C2CD4A: variants seen among roughly 807,000 people sequenced by gnomAD.
The protein encoded by C2CD4A is C2 calcium dependent domain containing 4A.
Under a neutral mutation model 0.4 loss-of-function variants are expected in C2CD4A, and 2 were observed. That is an observed-to-expected ratio of 4.45 (90% confidence interval 1.82 to 13.99). C2CD4A has a LOEUF of 13.99. C2CD4A is among the 30% of genes most tolerant of loss of function. C2CD4A has a pLI of 0.04. For synonymous variants in C2CD4A, 297 were observed against 280.8 expected (o/e 1.06, Z -0.58); for missense variants, 610 against 574.2 (o/e 1.06, Z -0.64).
Position 62,070,487 on chromosome 15 carries a change from A to T in C2CD4A, c.*1764A>T. 2.4e-6 allele frequency: 1 copy of T among 413,512 alleles called. No individual in the cohort carries two copies. The highest frequency in any genetic ancestry group is 2.1e-5 in the African/African-American group (1 of 48,758). 25.6% of individuals were successfully genotyped at this position (413,512 alleles called of 1,614,324 possible). ...CCGACCAGTTTCTGCTTTTATTAAAATTGTTCACAGTTTTATACATTCATG... is the reference window on the plus strand; with the variant it reads ...CCGACCAGTTTCTGCTTTTATTAAATTTGTTCACAGTTTTATACATTCATG... On this transcript the variant is annotated 3_prime_UTR_variant, in exon 2 of 2. Transcript: ENST00000355522.
Position 62,068,648 on chromosome 15 carries a change from C to T in C2CD4A, c.1035C>T (p.Asp345=), listed in dbSNP as rs2049063761. Reference sequence around the variant, plus strand: ...TGGCCGTTCGAGTCAAGGCCCGGGACGAGGGCCGCGGCCGGGAGCGGGGCC... The same window carrying T: ...TGGCCGTTCGAGTCAAGGCCCGGGATGAGGGCCGCGGCCGGGAGCGGGGCC... The part of the protein sequence containing the change: ...RRLAVRVKAR[D]EGRGRERGRL... Residue 345 remains aspartate (D), a synonymous_variant, in exon 2 of 2, where the codon GAC becomes GAT. Coordinates refer to ENST00000355522, the MANE Select transcript of C2CD4A (RefSeq NM_207322.3). 1.3e-6 allele frequency: 2 copies of T among 1,550,846 alleles called. No homozygotes were observed. The highest frequency in any genetic ancestry group is 2.0e-5 in the Admixed American group (1 of 51,190).
chr15:62,067,675 TTC>T lies in C2CD4A; in HGVS notation c.65_66del (p.Leu22ProfsTer26), dbSNP rs1567164508. 2 of 1,607,404 alleles carry T rather than the reference TTC, an allele frequency of 1.2e-6. No individual in the cohort carries two copies. Among genetic ancestry groups the T allele is most frequent in the Admixed American group, 1.7e-5 (1 of 59,964 alleles). On this transcript the variant is annotated frameshift_variant, in exon 2 of 2. Transcript: ENST00000355522. The stretch of plus-strand genomic sequence containing the variant: ...TGCCTTCGGCGGAGCGGAGACTGGC[TTC>T]TCCCGGGTCGGGCCCGCGGAGCCAA...
chr15:62,068,480 C>G lies in C2CD4A; in HGVS notation c.867C>G (p.Ala289=), dbSNP rs1298214324. The change falls in exon 2 of 2, where the codon GCC becomes GCG. Residue 289 remains alanine, a synonymous_variant. Transcript: ENST00000355522. ...CCGGAGGCGCCCCCGGGCCCCGAGC[C>G]GTCAGCTGTCGCCTCAGCCTCGTCC... ...SPAGGAPGPR[A]VSCRLSLVLR... is the part of the protein sequence containing the mutation. 3.4e-6 allele frequency: 5 copies of G among 1,472,650 alleles called. No homozygotes were observed. The highest frequency in any genetic ancestry group is 4.5e-6 in the Non-Finnish European group (5 of 1,116,964). The allele number at this position is 1,472,650 out of a possible 1,614,324, so 91.2% of individuals were successfully genotyped here.
Position 62,067,912 on chromosome 15 carries a change from G to C in C2CD4A, c.299G>C (p.Arg100Pro). The change falls in exon 2 of 2, where the codon CGC (arginine) becomes CCC (proline). Residue 100 changes from arginine (R) to proline (P), a missense_variant. Arg to Pro is a moderately radical substitution (Grantham distance 103). Transcript: ENST00000355522. The stretch of plus-strand genomic sequence containing the variant: ...TCACTGCCGCACCTGCCCCGTGTGC[G>C]CACCGCCTACGGCTTCTGCGCGCTG... Reference protein sequence around the residue: ...ALSLPHLPRVRTAYGFCALLE... With the variant: ...ALSLPHLPRVPTAYGFCALLE... 6.3e-7 allele frequency: 1 copy of C among 1,593,276 alleles called. No individual in the cohort carries two copies. The highest frequency in any genetic ancestry group is 1.1e-5 in the South Asian group (1 of 89,738).
rs1442441959 is a variant in C2CD4A at position 62,070,184 on chromosome 15, A to T, written c.*1461A>T. On this transcript the variant is annotated 3_prime_UTR_variant, in exon 2 of 2. Transcript: ENST00000355522. ...GGGCATTTTTTTCTTTTTTTTATGC[A>T]AATAGGAAAATGCATCCTAAATGAG... 2.4e-6 allele frequency: 1 copy of T among 411,340 alleles called. No homozygotes were observed. Among genetic ancestry groups the T allele is most frequent in the African/African-American group, 2.1e-5 (1 of 48,624 alleles). 25.5% of individuals were successfully genotyped at this position (411,340 alleles called of 1,614,324 possible). A position where few individuals can be genotyped will look rare whatever the true frequency, so the allele number is the denominator to read the frequency against.
chr15:62,070,674 G>A lies in C2CD4A; in HGVS notation c.*1951G>A, dbSNP rs924346481. Reference sequence around the variant, plus strand: ...ATGTGAAGAATACTGTGAATTCTATGACTTTATCAAAATCAGCCACATCCA... The same window carrying A: ...ATGTGAAGAATACTGTGAATTCTATAACTTTATCAAAATCAGCCACATCCA... On this transcript the variant is annotated 3_prime_UTR_variant, in exon 2 of 2. Coordinates refer to ENST00000355522, the MANE Select transcript of C2CD4A (RefSeq NM_207322.3). 4.9e-6 allele frequency: 2 copies of A among 407,764 alleles called. No individual in the cohort carries two copies. Among genetic ancestry groups the A allele is most frequent in the Admixed American group, 8.9e-5 (2 of 22,516 alleles). 25.3% of individuals were successfully genotyped at this position (407,764 alleles called of 1,614,324 possible).
In C2CD4A at chr15:62,067,839, G is replaced by T. The variant is rs773902749; in HGVS notation, c.226G>T (p.Glu76Ter). The change falls in exon 2 of 2, where the codon GAG (glutamate) becomes TAG (stop). Residue 76 changes from glutamate to a stop codon, truncating the protein, a stop_gained. Transcript: ENST00000355522. LOFTEE classifies it low-confidence loss of function (END_TRUNC). ...NSWVEEAGMD[E>*]GAGRTDWDPR... Reference sequence around the variant, plus strand: ...TTGGGTCGAAGAAGCAGGGATGGACGAGGGCGCCGGCCGCACAGACTGGGA... The same window carrying T: ...TTGGGTCGAAGAAGCAGGGATGGACTAGGGCGCCGGCCGCACAGACTGGGA... 7.5e-6 allele frequency: 12 copies of T among 1,610,108 alleles called. No individual in the cohort carries two copies. In the Admixed American group the frequency reaches 1.3e-4, roughly 18 times the overall value.
Position 62,068,780 on chromosome 15 carries a change from G to A in C2CD4A, c.*57G>A. 8 of 1,423,678 alleles carry A rather than the reference G, an allele frequency of 5.6e-6. No individual in the cohort carries two copies. The highest frequency in any genetic ancestry group is 7.4e-6 in the Non-Finnish European group (8 of 1,085,290). 88.2% of individuals were successfully genotyped at this position (1,423,678 alleles called of 1,614,324 possible). A position where few individuals can be genotyped will look rare whatever the true frequency, so the allele number is the denominator to read the frequency against. On this transcript the variant is annotated 3_prime_UTR_variant, in exon 2 of 2. Transcript: ENST00000355522. Reference sequence around the variant, plus strand: ...GGGGACTCCGGACACTGACAGCCGCGTGGTACAAAATAAACGTGTATTTGT... The same window carrying A: ...GGGGACTCCGGACACTGACAGCCGCATGGTACAAAATAAACGTGTATTTGT...
At position 62,068,850 on chromosome 15, in the gene C2CD4A, TCTAGATTAA is replaced by T; in HGVS notation, c.*131_*139del. ...TCAGTACAACACTGGCAGAGATGAT[TCTAGATTAA>T]CTATCCCAGTAAAAGATATGATATT... On this transcript the variant is annotated 3_prime_UTR_variant, in exon 2 of 2. Coordinates refer to ENST00000355522, the MANE Select transcript of C2CD4A (RefSeq NM_207322.3). 8.0e-7 allele frequency: 1 copy of T among 1,256,390 alleles called. No individual in the cohort carries two copies. The highest frequency in any genetic ancestry group is 2.0e-5 in the South Asian group (1 of 49,272). 77.8% of individuals were successfully genotyped at this position (1,256,390 alleles called of 1,614,324 possible).
chr15:62,068,887 C>G lies in C2CD4A; in HGVS notation c.*164C>G. The G allele has an allele frequency of 9.5e-7, 1 of 1,050,230 alleles. No individual in the cohort carries two copies. The highest frequency in any genetic ancestry group is 2.7e-5 in the South Asian group (1 of 37,616). The allele number at this position is 1,050,230 out of a possible 1,614,324, so 65.1% of individuals were successfully genotyped here. A position where few individuals can be genotyped will look rare whatever the true frequency, so the allele number is the denominator to read the frequency against. ...ATCCCAGTAAAAGATATGATATTTT[C>G]CATAGATACCTCCAGAATTTTTTTC... On this transcript the variant is annotated 3_prime_UTR_variant, in exon 2 of 2. Coordinates refer to ENST00000355522, the MANE Select transcript of C2CD4A (RefSeq NM_207322.3).
chr15:62,070,429 A>C lies in C2CD4A; in HGVS notation c.*1706A>C, dbSNP rs896412529. 2.4e-6 allele frequency: 1 copy of C among 413,352 alleles called. No homozygotes were observed. Among genetic ancestry groups the C allele is most frequent in the Non-Finnish European group, 4.4e-6 (1 of 226,168 alleles). The allele number at this position is 413,352 out of a possible 1,614,324, so 25.6% of individuals were successfully genotyped here. A position where few individuals can be genotyped will look rare whatever the true frequency, so the allele number is the denominator to read the frequency against. The stretch of plus-strand genomic sequence containing the variant: ...GCTGTCATCCCGCTTTGGCTTCTCA[A>C]AGTGCTAGGATTATAGGCGTGAGCC... On this transcript the variant is annotated 3_prime_UTR_variant, in exon 2 of 2. Transcript: ENST00000355522.
chr15:62,068,329 C>A lies in C2CD4A; in HGVS notation c.716C>A (p.Pro239His), dbSNP rs761563339. 1 of 1,415,926 alleles carries A rather than the reference C, an allele frequency of 7.1e-7. No individual in the cohort carries two copies. The highest frequency in any genetic ancestry group is 1.4e-5 in the South Asian group (1 of 69,552). 87.7% of individuals were successfully genotyped at this position (1,415,926 alleles called of 1,614,324 possible). A position where few individuals can be genotyped will look rare whatever the true frequency, so the allele number is the denominator to read the frequency against. ...TSPPSSRVPFPERLEAEGTVA... is the reference protein window; with the variant it reads ...TSPPSSRVPFHERLEAEGTVA... ...CCGCCGTCGTCCCGGGTCCCGTTTC[C>A]CGAGCGCCTGGAGGCCGAGGGCACC... The change falls in exon 2 of 2, where the codon CCC becomes CAC. Residue 239 changes from proline (P) to histidine (H), a missense_variant. Pro to His is a moderately conservative substitution (Grantham distance 77). Transcript: ENST00000355522.
Position 62,068,607 on chromosome 15 carries a change from G to A in C2CD4A, c.994G>A (p.Asp332Asn), listed in dbSNP as rs1331722552. ...CTTCTGCTTCGACGGCCTCTCGGAG[G>A]ACGAAGTGCGCCGCCTGGCCGTTCG... ...QDFCFDGLSE[D>N]EVRRLAVRVK... Residue 332 changes from aspartate (D) to asparagine (N), a missense_variant, in exon 2 of 2, where the codon GAC becomes AAC. Transcript: ENST00000355522. The A allele has an allele frequency of 6.4e-7, 1 of 1,564,368 alleles. No homozygotes were observed. The highest frequency in any genetic ancestry group is 8.7e-7 in the Non-Finnish European group (1 of 1,154,700).
At position 62,070,518 on chromosome 15, in the gene C2CD4A, T is replaced by TA. The variant is rs1256693118; in HGVS notation, c.*1800dup. 4.8e-6 allele frequency: 2 copies of TA among 413,414 alleles called. No homozygotes were observed. The highest frequency in any genetic ancestry group is 8.8e-6 in the Non-Finnish European group (2 of 226,162). The allele number at this position is 413,414 out of a possible 1,614,324, so 25.6% of individuals were successfully genotyped here. On this transcript the variant is annotated 3_prime_UTR_variant, in exon 2 of 2. Transcript: ENST00000355522. ...CACAGTTTTATACATTCATGTTCAT[T>TA]AAAAATGCTATTTAGAAAAGAGTTT... is the stretch of plus-strand genomic sequence containing the variant.
chr15:62,068,623 T>A lies in C2CD4A; in HGVS notation c.1010T>A (p.Leu337Gln). Residue 337 changes from leucine to glutamine, a missense_variant, in exon 2 of 2, where the codon CTG becomes CAG. Transcript: ENST00000355522. ...CTCTCGGAGGACGAAGTGCGCCGCC[T>A]GGCCGTTCGAGTCAAGGCCCGGGAC... is the stretch of plus-strand genomic sequence containing the variant. ...DGLSEDEVRR[L>Q]AVRVKARDEG... The A allele has an allele frequency of 6.4e-7, 1 of 1,558,850 alleles. No homozygotes were observed. The highest frequency in any genetic ancestry group is 8.7e-7 in the Non-Finnish European group (1 of 1,151,604).
chr15:62,067,111 G>C (rs1171325414), intron 1 of C2CD4A, 23 bp downstream of exon 1: 1 of 153,366 alleles, frequency 6.5e-6, no homozygotes, highest in East Asian at 1.9e-4. Flanking sequence ...GGACCCATCG[G>C]CTTGCTTAAT....
At position 62,067,619 on chromosome 15, in the gene C2CD4A, G is replaced by A. The variant is rs2140846077; in HGVS notation, c.6G>A (p.Trp2Ter). 6.3e-7 allele frequency: 1 copy of A among 1,589,380 alleles called. No homozygotes were observed. The highest frequency in any genetic ancestry group is 1.7e-5 in the Admixed American group (1 of 59,412). ...CTCCAGCAGAGAGTGGCCAGATGTG[G>A]TGCCTGGAGCGACTCCGCTTGGGTC... M[W>*]CLERLRLGPE... Residue 2 changes from tryptophan (W) to a stop codon, truncating the protein, a stop_gained, in exon 2 of 2, where the codon TGG becomes TGA. Transcript: ENST00000355522. LOFTEE classifies it low-confidence loss of function (END_TRUNC).
rs772735776 is a variant in C2CD4A at position 62,067,684 on chromosome 15, G to A, written c.71G>A (p.Gly24Asp). The A allele has an allele frequency of 1.2e-6, 2 of 1,607,866 alleles. No homozygotes were observed. The highest frequency in any genetic ancestry group is 1.7e-6 in the Non-Finnish European group (2 of 1,179,800). Residue 24 changes from glycine (G) to aspartate (D), a missense_variant, in exon 2 of 2, where the codon GGT becomes GAT. By Grantham distance (94) the Gly-to-Asp change is moderately conservative. Transcript: ENST00000355522. ...LRRSGDWLLP[G>D]RARGAKSRTT... ...CGGAGCGGAGACTGGCTTCTCCCGG[G>A]TCGGGCCCGCGGAGCCAAGTCTCGC... is the stretch of plus-strand genomic sequence containing the variant.
chr15:62,068,442 G>A lies in C2CD4A; in HGVS notation c.829G>A (p.Ala277Thr). The change falls in exon 2 of 2, where the codon GCC (alanine) becomes ACC (threonine). Residue 277 changes from alanine to threonine, a missense_variant. Coordinates refer to ENST00000355522, the MANE Select transcript of C2CD4A (RefSeq NM_207322.3). ...GCGGCTCCGCCTCCGGCTGCTCCGC[G>A]CCGAGAGCCCGGCCGGAGGCGCCCC... is the stretch of plus-strand genomic sequence containing the variant. ...TGRLRLRLLR[A>T]ESPAGGAPGP... 3.5e-6 allele frequency: 5 copies of A among 1,415,476 alleles called. No homozygotes were observed. Among genetic ancestry groups the A allele is most frequent in the Non-Finnish European group, 4.6e-6 (5 of 1,094,320 alleles). 87.7% of individuals were successfully genotyped at this position (1,415,476 alleles called of 1,614,324 possible).
Sources: allele counts gnomAD v4.1 joint callset, GRCh38; gene constraint gnomAD v4.1.1; transcripts MANE v1.5; gene names NCBI Gene and HGNC (gene_info 2026-07-23, HGNC 2026-07-21).